The following CUX1 variants were observed in gnomAD, a reference collection of about 807,000 sequenced individuals.
CUX1 encodes cut like homeobox 1.
A neutral mutation model predicts 158.8 loss-of-function variants in CUX1; 31 were observed. The observed-to-expected ratio is 0.20, with a 90% CI of 0.15 to 0.26. The LOEUF is 0.26. Ranked by LOEUF, CUX1 falls within the 10% of genes least tolerant of loss-of-function variation. CUX1 has a pLI of 1.00. For synonymous variants in CUX1, 879 were observed against 862.1 expected (o/e 1.02, Z -0.34); for missense variants, 1,589 against 2,014.6 (o/e 0.79, Z 4.04).
rs534986714 is a variant in CUX1 at position 101,833,562 on chromosome 7, TA to T, written c.30+15917del. 2.6e-3 allele frequency among the ~76,000 whole-genome samples: 199 copies of T among 75,804 alleles called. 1 individual carries two copies. Among genetic ancestry groups the T allele is most frequent in the Non-Finnish European group, 2.8e-3 (121 of 43,290 alleles). 49.7% of individuals were successfully genotyped at this position (75,804 alleles called of 152,430 possible). On this transcript the variant is annotated intron_variant, in intron 1 of 23. Coordinates refer to ENST00000292535, the MANE Select transcript of CUX1 (RefSeq NM_181552.4). ...AGAGCAAGAGGAAGACTCTGTCTCT[TA>T]AAAAAAAAAAAAAAAAAAAAAAAGA...
chr7:102,046,269 G>A (rs111229725), intron 3 of CUX1, among the ~76,000 whole-genome samples: 6,615 of 152,206 alleles, frequency 0.043, 160 homozygotes, highest in African/African-American at 0.055. Context: ...CTCTTGCTTT[G>A]TCACCCAGGC....
chr7:102,244,905 C>T (rs1261085084), intron 23 of CUX1, among the ~76,000 whole-genome samples: 1 of 152,140 alleles, frequency 6.6e-6, no homozygotes, highest in Non-Finnish European at 1.5e-5. Flanking sequence ...CTTTCTAGGC[C>T]AGAAGACAGT....
chr7:101,937,702 G>A (rs754832162), intron 2 of CUX1, among the ~76,000 whole-genome samples: 6 of 152,046 alleles, frequency 3.9e-5, no homozygotes, highest in African/African-American at 7.2e-5. Context: ...TAGTAGAGAC[G>A]GGGTTTCATC....
chr7:102,230,356 C>G (rs1160790641), intron 21 of CUX1, among the ~76,000 whole-genome samples: 1 of 151,500 alleles, frequency 6.6e-6, no homozygotes, highest in Non-Finnish European at 1.5e-5. Flanking sequence ...CATGGTGGCA[C>G]CCGCTGTAAT....
At chr7:102,128,778 G>T (rs1563283055) in intron 8 of CUX1, among the ~76,000 whole-genome samples, 1 of 151,902 alleles carries the variant, frequency 6.6e-6, no homozygotes, top group Non-Finnish European at 1.5e-5. Context: ...AAGAGTTTGA[G>T]ACCAGACTGG....
intron 2 of CUX1, among the ~76,000 whole-genome samples, chr7:101,934,769 A>C (rs1031712691): frequency 2.0e-5 from 3 of 152,108 alleles, no homozygotes; most frequent in African/African-American, 7.2e-5. Context: ...CAAGGCTGGG[A>C]GAAGGGAAAA....
intron 1 of CUX1, among the ~76,000 whole-genome samples, chr7:101,898,849 C>G (rs954582061): frequency 1.3e-5 from 2 of 152,220 alleles, no homozygotes; most frequent in Non-Finnish European, 2.9e-5. Context: ...CTTCGGCCCC[C>G]CACAGTGCTG....
chr7:102,225,871 G>A (rs548585410), intron 20 of CUX1, among the ~76,000 whole-genome samples: 1 of 152,354 alleles, frequency 6.6e-6, no homozygotes, highest in Admixed American at 6.5e-5. Context: ...CATGGCCTGG[G>A]CCCTCTTACC....
intron 11 of CUX1, chr7:102,188,756 G>A (rs1793922040): frequency 6.7e-6 from 1 of 150,084 alleles, no homozygotes. Context: ...GTTGCAGTGA[G>A]CGAAGCCAAG....
chr7:101,877,598 A>G (rs1799276799), intron 1 of CUX1, among the ~76,000 whole-genome samples: 1 of 152,136 alleles, frequency 6.6e-6, no homozygotes, highest in Admixed American at 6.5e-5. Context: ...GAGGCAGGAG[A>G]ATCGCTTGAG....
At chr7:102,100,261 G>C (rs1467462315) in intron 5 of CUX1, among the ~76,000 whole-genome samples, 1 of 152,202 alleles carries the variant, frequency 6.6e-6, no homozygotes, top group Non-Finnish European at 1.5e-5. Context: ...CTGGGCAACA[G>C]AGCGAGACTC....
In CUX1 at chr7:102,044,595, A is replaced by G. The variant is rs188839367; in HGVS notation, c.189+16450A>G. ...GATTGTACATGCTTTGAGGGCCCGT[A>G]TCTTGTCTTAGATGCTTTATCTATT... On this transcript the variant is annotated intron_variant, in intron 3 of 23. Transcript: ENST00000292535. 9.2e-5 allele frequency among the ~76,000 whole-genome samples: 14 copies of G among 152,206 alleles called. No homozygotes were observed. In the East Asian group the frequency reaches 1.9e-3, roughly 21 times the overall value.
intron 21 of CUX1, chr7:102,282,590 AC>A: frequency 1.0e-6 from 1 of 975,516 alleles, no homozygotes; most frequent in African/African-American, 1.6e-5. Context: ...TCTAAGACCC[AC>A]CCGCCCCGGA....
chr7:102,015,882 A>G (rs1387319378), intron 2 of CUX1, among the ~76,000 whole-genome samples: 9 of 152,052 alleles, frequency 5.9e-5, no homozygotes, highest in Non-Finnish European at 1.5e-5. Flanking sequence ...TGGCGCGATC[A>G]CGACTCACTG....
At chr7:101,886,276 C>T (rs1239460321) in intron 1 of CUX1, among the ~76,000 whole-genome samples, 1 of 152,146 alleles carries the variant, frequency 6.6e-6, no homozygotes, top group Admixed American at 6.5e-5. Context: ...TCATTGCAAC[C>T]TCTGTCTCCT....
chr7:102,256,431 C>A lies in CUX1; in HGVS notation c.*7389C>A, dbSNP rs186635770. The A allele has an allele frequency of 1.9e-4, 192 of 985,374 alleles. No individual in the cohort carries two copies. Among genetic ancestry groups the A allele is most frequent in the Non-Finnish European group, 2.1e-4 (177 of 829,932 alleles). 61.0% of individuals were successfully genotyped at this position (985,374 alleles called of 1,614,324 possible). A position where few individuals can be genotyped will look rare whatever the true frequency, so the allele number is the denominator to read the frequency against. On this transcript the variant is annotated 3_prime_UTR_variant, in exon 24 of 24. Transcript: ENST00000292535. ...GTCATAAATGCTTTTTGCTGTCACTCTAGTGGTTACTATCCTCTGCCTTCC... is the reference window on the plus strand; with the variant it reads ...GTCATAAATGCTTTTTGCTGTCACTATAGTGGTTACTATCCTCTGCCTTCC...
intron 5 of CUX1, 46 bp downstream of exon 5, chr7:102,097,547 T>TTCC: frequency 1.3e-6 from 2 of 1,541,108 alleles, no homozygotes; most frequent in Non-Finnish European, 8.7e-7. Flanking sequence ...TTCTTTTTTT[T>TTCC]CTCTTCTTTT....
At chr7:102,059,503 G>T (rs886088266) in intron 3 of CUX1, among the ~76,000 whole-genome samples, 1 of 151,850 alleles carries the variant, frequency 6.6e-6, no homozygotes, top group Non-Finnish European at 1.5e-5. Flanking sequence ...GTGGTGGCAG[G>T]TGCCTGTAGT....
chr7:102,128,781 C>T (rs1832915320), intron 8 of CUX1, among the ~76,000 whole-genome samples: 1 of 151,866 alleles, frequency 6.6e-6, no homozygotes, highest in South Asian at 2.1e-4. Context: ...AGTTTGAGAC[C>T]AGACTGGCCA....
Sources: gnomAD v4.1 joint callset for allele counts (sites outside exome capture counted in the v4.1 genomes callset) on GRCh38, gnomAD v4.1.1 for gene constraint, MANE v1.5 for transcripts, NCBI Gene and HGNC (gene_info 2026-07-23, HGNC 2026-07-21) for gene names.